Variants in ABCB11 observed in about 807,000 individuals in gnomAD.
The protein encoded by ABCB11 is bile salt export pump.
A neutral mutation model predicts 148.0 loss-of-function variants in ABCB11; 95 were observed. The ratio of observed to expected loss-of-function variants is 0.64; its 90% CI spans 0.54 to 0.76. The LOEUF (loss-of-function observed/expected upper bound fraction) is 0.76, where lower values mean the gene tolerates loss of function less well. Among genes scored for constraint, ABCB11 ranks in the 30% least tolerant of loss-of-function variants. The pLI, the probability that ABCB11 is intolerant of heterozygous loss-of-function variation, is 0.00. For missense variants in ABCB11, 1,523 were observed against 1,617.8 expected (o/e 0.94, Z 1.01); for synonymous variants, 591 against 555.4 (o/e 1.06, Z -0.90).
intron 5 of ABCB11, among the ~76,000 whole-genome samples, chr2:169,000,706 T>G (rs116483372): frequency 7.9e-5 from 12 of 152,268 alleles, no homozygotes; most frequent in African/African-American, 2.9e-4. Flanking sequence ...ATTGGGTAGA[T>G]TGATTCTTCT....
intron 21 of ABCB11, among the ~76,000 whole-genome samples, chr2:168,939,433 A>C (rs1415759531): frequency 1.3e-5 from 2 of 152,118 alleles, no homozygotes; most frequent in African/African-American, 2.4e-5. Flanking sequence ...CATCCTCATG[A>C]ATATCGTTCA....
chr2:169,016,387 G>T (rs1249695291), intron 3 of ABCB11, among the ~76,000 whole-genome samples: 2 of 152,128 alleles, frequency 1.3e-5, no homozygotes, highest in Non-Finnish European at 2.9e-5. Context: ...TTCTATATGA[G>T]AATTCAAAAT....
intron 26 of ABCB11, among the ~76,000 whole-genome samples, 192 bp downstream of exon 26, chr2:168,926,964 G>C (rs970822027): frequency 2.6e-5 from 4 of 152,144 alleles, no homozygotes; most frequent in African/African-American, 9.7e-5. Flanking sequence ...CATTTTGACT[G>C]TGACCCATCA....
intron 3 of ABCB11, among the ~76,000 whole-genome samples, chr2:169,016,238 T>TAA (rs1695352106): frequency 6.6e-6 from 1 of 152,178 alleles, no homozygotes. Flanking sequence ...GTGAATTACT[T>TAA]AAAATTTCTA....
At chr2:168,937,595 G>A (rs1691886780) in intron 21 of ABCB11, among the ~76,000 whole-genome samples, 1 of 152,124 alleles carries the variant, frequency 6.6e-6, no homozygotes, top group South Asian at 2.1e-4. Context: ...CCTAAACATG[G>A]GCTACACATG....
intron 5 of ABCB11, among the ~76,000 whole-genome samples, chr2:168,998,645 T>C (rs1274948745): frequency 1.3e-5 from 2 of 152,110 alleles, no homozygotes; most frequent in African/African-American, 4.8e-5. Flanking sequence ...ACAAGCACTG[T>C]AAGCGGAAGT....
chr2:168,954,389 G>A (rs1298614249), intron 19 of ABCB11, among the ~76,000 whole-genome samples: 4 of 151,448 alleles, frequency 2.6e-5, no homozygotes, highest in Non-Finnish European at 4.4e-5. Flanking sequence ...ACCCCTTTGA[G>A]CATTTCCTGT....
chr2:169,000,932 A>G (rs1410046188), intron 5 of ABCB11, among the ~76,000 whole-genome samples: 1 of 151,852 alleles, frequency 6.6e-6, no homozygotes, highest in Non-Finnish European at 1.5e-5. Context: ...CTGCTTGAAC[A>G]TTTTTTTAGA....
intron 1 of ABCB11, among the ~76,000 whole-genome samples, chr2:169,021,119 T>C (rs1695526216): frequency 6.6e-6 from 1 of 151,906 alleles, no homozygotes; most frequent in African/African-American, 2.4e-5. Context: ...TGAGCCACCA[T>C]GCCTGGATCA....
rs1574453508 is a variant in ABCB11, at chr2:168,973,731, T to TGAAGGAATCA, written c.1417_1418insTGATTCCTTC (p.Asp473ValfsTer7). On this transcript the variant is annotated frameshift_variant, in exon 13 of 28. Transcript: ENST00000650372. LOFTEE classifies it high-confidence loss of function. ...GACACCCACCATTCCTTCACAGGGGTCATAGAATCGCTGAATGAGTTGCAG... is the reference window on the plus strand; with the variant it reads ...GACACCCACCATTCCTTCACAGGGGTGAAGGAATCACATAGAATCGCTGAATGAGTTGCAG... 1 of 1,611,872 alleles carries TGAAGGAATCA rather than the reference T, an allele frequency of 6.2e-7. No homozygotes were observed. Among genetic ancestry groups the TGAAGGAATCA allele is most frequent in the Non-Finnish European group, 8.5e-7 (1 of 1,178,456 alleles).
chr2:169,009,693 C>T (rs544108834), intron 5 of ABCB11, among the ~76,000 whole-genome samples: 2 of 151,350 alleles, frequency 1.3e-5, no homozygotes, highest in Non-Finnish European at 2.9e-5. Flanking sequence ...CAAACCTGCA[C>T]ATTGTGCACA....
intron 1 of ABCB11, among the ~76,000 whole-genome samples, chr2:169,028,715 A>C (rs1017836848): frequency 6.7e-6 from 1 of 149,942 alleles, no homozygotes; most frequent in African/African-American, 2.5e-5. Context: ...TTTATACTTA[A>C]AAAAAGTTAC....
intron 1 of ABCB11, 45 bp from the exon 2 acceptor site, chr2:169,018,197 T>C: frequency 6.5e-7 from 1 of 1,534,404 alleles, no homozygotes; most frequent in Non-Finnish European, 9.0e-7. Context: ...TATCTCTTCT[T>C]TCTTCTTTAA....
chr2:169,009,404 A>T (rs1471806009), intron 5 of ABCB11, among the ~76,000 whole-genome samples: 3 of 152,072 alleles, frequency 2.0e-5, no homozygotes, highest in Non-Finnish European at 4.4e-5. Context: ...AGCCATAAAA[A>T]ATGATGAGTT....
chr2:168,995,604 G>A (rs1694688196), intron 6 of ABCB11, 122 bp from the exon 7 acceptor site: 1 of 1,077,018 alleles, frequency 9.3e-7, no homozygotes, highest in South Asian at 1.6e-5. Flanking sequence ...TTCAGAAAAT[G>A]CCTCTTCTTG....
chr2:169,023,264 G>A (rs1018551509), intron 1 of ABCB11, among the ~76,000 whole-genome samples: 3 of 152,116 alleles, frequency 2.0e-5, no homozygotes, highest in African/African-American at 4.8e-5. Flanking sequence ...CATTTAATAC[G>A]TGGCAGGCAC....
At chr2:169,010,497 C>T (rs1695148803) in intron 5 of ABCB11, among the ~76,000 whole-genome samples, 1 of 152,158 alleles carries the variant, frequency 6.6e-6, no homozygotes, top group East Asian at 1.9e-4. Flanking sequence ...CAGCTCCTGT[C>T]ATTACACACA....
chr2:168,989,364 T>C (rs1694436048), intron 9 of ABCB11, among the ~76,000 whole-genome samples: 1 of 152,130 alleles, frequency 6.6e-6, no homozygotes, highest in Non-Finnish European at 1.5e-5. Context: ...TTCCCCAACA[T>C]CGTTTATTGA....
chr2:169,022,369 T>C (rs948816886), intron 1 of ABCB11, among the ~76,000 whole-genome samples: 1 of 151,850 alleles, frequency 6.6e-6, no homozygotes, highest in African/African-American at 2.4e-5. Context: ...CAAATACTAA[T>C]TGAAAATGGG....
Sources: allele counts gnomAD v4.1 joint callset (sites outside exome capture counted in the v4.1 genomes callset), GRCh38; gene constraint gnomAD v4.1.1; transcripts MANE v1.5; gene names NCBI Gene and HGNC (gene_info 2026-07-23, HGNC 2026-07-21).